The following DTNBP1 variants were observed in gnomAD, a reference collection of about 807,000 sequenced individuals.
DTNBP1 encodes dysbindin.
DTNBP1 carries 35 observed loss-of-function variants against 42.8 expected under a neutral mutation model. That is an observed-to-expected ratio of 0.82 (90% CI 0.63 to 1.09). The LOEUF (loss-of-function observed/expected upper bound fraction) is 1.09, where lower values mean the gene tolerates loss of function less well. Ranked by LOEUF, DTNBP1 falls within the 50% of genes least tolerant of loss-of-function variation. The pLI, the probability that DTNBP1 is intolerant of heterozygous loss-of-function variation, is 0.00. For missense variants in DTNBP1, 457 were observed against 424.2 expected (o/e 1.08, Z -0.68); for synonymous variants, 171 against 162.2 (o/e 1.05, Z -0.41).
chr6:15,590,716 GAAC>G (rs1210187098), intron 7 of DTNBP1, among the ~76,000 whole-genome samples: 4 of 152,248 alleles, frequency 2.6e-5, no homozygotes, highest in African/African-American at 7.2e-5. Flanking sequence ...ATTAAAATAA[GAAC>G]AACAACTGGT....
rs7758659 is a variant in DTNBP1, at chr6:15,593,009, T to C, written c.511+50A>G. Reference sequence around the variant, plus strand: ...TCATCATTGTCGAGAGAACATCTGATACCAATGAACTCTCAACTACTTTAA... The same window carrying C: ...TCATCATTGTCGAGAGAACATCTGACACCAATGAACTCTCAACTACTTTAA... On this transcript the variant is annotated intron_variant, in intron 7 of 9. Coordinates refer to ENST00000344537, the MANE Select transcript of DTNBP1 (RefSeq NM_032122.5). 0.79 allele frequency: 1,194,233 copies of C among 1,520,494 alleles called. 472,218 individuals are homozygous for C. Among genetic ancestry groups the C allele is most frequent in the East Asian group, 1 (43,722 of 43,750 alleles). 94.2% of individuals were successfully genotyped at this position (1,520,494 alleles called of 1,614,324 possible).
At chr6:15,573,762 CAGTGGTGCGA>C (rs1477699599) in intron 7 of DTNBP1, among the ~76,000 whole-genome samples, 1 of 152,190 alleles carries the variant, frequency 6.6e-6, no homozygotes, top group Non-Finnish European at 1.5e-5. Flanking sequence ...GACTGGAGAG[CAGTGGTGCGA>C]TCTCGGCTGA....
Position 15,522,890 on chromosome 6 carries a change from A to C in DTNBP1, c.*85T>G. 1 of 1,612,050 alleles carries C rather than the reference A, an allele frequency of 6.2e-7. No individual in the cohort carries two copies. Among genetic ancestry groups the C allele is most frequent in the Non-Finnish European group, 8.5e-7 (1 of 1,179,096 alleles). On this transcript the variant is annotated 3_prime_UTR_variant, in exon 10 of 10. Coordinates refer to ENST00000344537, the MANE Select transcript of DTNBP1 (RefSeq NM_032122.5). Reference sequence around the variant, plus strand: ...AATTATGTAAAAATCAAGAACCTCTATAAAACAACCTGGCTTTCCAGGTGG... The same window carrying C: ...AATTATGTAAAAATCAAGAACCTCTCTAAAACAACCTGGCTTTCCAGGTGG...
At chr6:15,607,290 T>C (rs2113674706) in intron 6 of DTNBP1, among the ~76,000 whole-genome samples, 1 of 151,954 alleles carries the variant, frequency 6.6e-6, no homozygotes, top group East Asian at 1.9e-4. Flanking sequence ...TGAGCCACTG[T>C]GCCCGGCCAA....
chr6:15,646,995 CA>C (rs35281184), intron 3 of DTNBP1, among the ~76,000 whole-genome samples: 151 of 151,730 alleles, frequency 1.0e-3, no homozygotes, highest in South Asian at 2.3e-3. Flanking sequence ...ACAATTGTGA[CA>C]AAAAATGACA....
chr6:15,615,174 T>A, intron 6 of DTNBP1, 93 bp downstream of exon 6: 1 of 1,582,896 alleles, frequency 6.3e-7, no homozygotes, highest in Non-Finnish European at 8.7e-7. Flanking sequence ...ACCTTTGTCT[T>A]TTATCAGCCG....
At chr6:15,649,317 A>C (rs1278756993) in intron 3 of DTNBP1, among the ~76,000 whole-genome samples, 1 of 152,200 alleles carries the variant, frequency 6.6e-6, no homozygotes, top group Non-Finnish European at 1.5e-5. Context: ...TTACAATAGA[A>C]TATTCAGCTT....
At chr6:15,611,792 G>A (rs1301568952) in intron 6 of DTNBP1, among the ~76,000 whole-genome samples, 1 of 152,196 alleles carries the variant, frequency 6.6e-6, no homozygotes, top group Admixed American at 6.5e-5. Context: ...CTGAAGATAC[G>A]ATTGAATTAC....
intron 7 of DTNBP1, among the ~76,000 whole-genome samples, chr6:15,578,507 A>G (rs761935173): frequency 1.3e-5 from 2 of 152,154 alleles, no homozygotes; most frequent in Non-Finnish European, 2.9e-5. Context: ...ATGGAATTTA[A>G]CCAATTACAT....
intron 6 of DTNBP1, among the ~76,000 whole-genome samples, chr6:15,604,095 G>C (rs1776834909): frequency 6.6e-6 from 1 of 152,184 alleles, no homozygotes. Context: ...AGGATGCAGA[G>C]GCAATCACAG....
At chr6:15,552,942 A>G (rs1774294684) in intron 7 of DTNBP1, among the ~76,000 whole-genome samples, 1 of 152,240 alleles carries the variant, frequency 6.6e-6, no homozygotes, top group South Asian at 2.1e-4. Flanking sequence ...TAAAAAAATA[A>G]GAGTAAGAGG....
chr6:15,627,624 C>A, intron 4 of DTNBP1, 149 bp from the exon 5 acceptor site: 1 of 1,255,348 alleles, frequency 8.0e-7, no homozygotes, highest in Non-Finnish European at 1.1e-6. Context: ...AAGTTGTTTT[C>A]ATTTTTAGAA....
chr6:15,530,628 C>T (rs540081036), intron 8 of DTNBP1, among the ~76,000 whole-genome samples: 1 of 152,138 alleles, frequency 6.6e-6, no homozygotes, highest in South Asian at 2.1e-4. Flanking sequence ...GAAGCTGCTC[C>T]TTCCAAGCCG....
intron 7 of DTNBP1, among the ~76,000 whole-genome samples, chr6:15,575,658 C>G (rs183856008): frequency 6.6e-6 from 1 of 152,196 alleles, no homozygotes; most frequent in Admixed American, 6.5e-5. Flanking sequence ...ATGAGAAAAA[C>G]ACTTTTCAAA....
intron 3 of DTNBP1, among the ~76,000 whole-genome samples, chr6:15,640,448 C>A (rs1760278939): frequency 6.6e-6 from 1 of 152,166 alleles, no homozygotes; most frequent in African/African-American, 2.4e-5. Context: ...ATGTGTAATT[C>A]TTGCATTCAA....
intron 7 of DTNBP1, among the ~76,000 whole-genome samples, chr6:15,544,085 A>G (rs966312490): frequency 1.6e-4 from 25 of 152,180 alleles, no homozygotes; most frequent in African/African-American, 5.8e-4. Flanking sequence ...CACCTCTTAT[A>G]GCCATGCCCT....
Position 15,533,320 on chromosome 6 carries a change from T to C in DTNBP1, c.587A>G (p.Gln196Arg). 7.4e-6 allele frequency: 12 copies of C among 1,614,250 alleles called. No individual in the cohort carries two copies. Among genetic ancestry groups the C allele is most frequent in the Non-Finnish European group, 8.5e-6 (10 of 1,180,050 alleles). Reference sequence around the variant, plus strand: ...CTGGAAGGCTTCCTCAAAAAACTTCTGCCGCTCCTTCAGCTTCATTTGCTG... The same window carrying C: ...CTGGAAGGCTTCCTCAAAAAACTTCCGCCGCTCCTTCAGCTTCATTTGCTG... ...HTQQMKLKER[Q>R]KFFEEAFQQD... The change falls in exon 8 of 10, where the codon CAG becomes CGG. Residue 196 changes from glutamine to arginine, a missense_variant. By Grantham distance (43) the Gln-to-Arg change is conservative (BLOSUM62 1). Coordinates refer to ENST00000344537, the MANE Select transcript of DTNBP1 (RefSeq NM_032122.5).
chr6:15,634,065 T>C (rs1247497432), intron 4 of DTNBP1, among the ~76,000 whole-genome samples: 1 of 152,224 alleles, frequency 6.6e-6, no homozygotes, highest in Non-Finnish European at 1.5e-5. Flanking sequence ...GGTATGCCCA[T>C]ACATTCAATC....
intron 6 of DTNBP1, among the ~76,000 whole-genome samples, chr6:15,596,573 CTAT>C (rs983887271): frequency 1.3e-5 from 2 of 152,162 alleles, no homozygotes; most frequent in African/African-American, 4.8e-5. Flanking sequence ...GTTTCTTTTG[CTAT>C]TGTCTCCATC....
Sources: gnomAD v4.1 joint callset for allele counts (sites outside exome capture counted in the v4.1 genomes callset) on GRCh38, gnomAD v4.1.1 for gene constraint, MANE v1.5 for transcripts, NCBI Gene and HGNC (gene_info 2026-07-23, HGNC 2026-07-21) for gene names.